The following ZNF419 variants were observed in gnomAD, a reference collection of about 807,000 sequenced individuals.
The protein encoded by ZNF419 is zinc finger protein 419.
ZNF419 carries 8 observed loss-of-function variants against 14.9 expected under a neutral mutation model. The observed-to-expected ratio is 0.54, with a 90% CI of 0.32 to 0.97. The LOEUF (loss-of-function observed/expected upper bound fraction) is 0.97. ZNF419 is among the 50% of genes least tolerant of loss of function. The pLI is 0.04. For missense variants in ZNF419, 595 were observed against 607.2 expected (o/e 0.98, Z 0.21); for synonymous variants, 211 against 205.3 (o/e 1.03, Z -0.24).
intron 2 of ZNF419, 80 bp downstream of exon 2, chr19:57,490,265 C>T: frequency 2.9e-6 from 4 of 1,388,156 alleles, no homozygotes; most frequent in Admixed American, 1.9e-5. Flanking sequence ...TCTTGAGGCT[C>T]CTTGCTGGCT....
Position 57,494,715 on chromosome 19 carries a change from C to A in ZNF419, c.*625C>A, listed in dbSNP as rs755980312. On this transcript the variant is annotated 3_prime_UTR_variant, in exon 5 of 5. Coordinates refer to ENST00000221735, the MANE Select transcript of ZNF419 (RefSeq NM_024691.4). ...TGAATTGTGTTTTTATAATTTTCAC[C>A]CTTTTGGCTGTGTAACAGGTCTGCA... is the stretch of plus-strand genomic sequence containing the variant. 1 of 176,978 alleles carries A rather than the reference C, an allele frequency of 5.7e-6. No individual in the cohort carries two copies. The allele number at this position is 176,978 out of a possible 1,614,324, so 11.0% of individuals were successfully genotyped here.
At chr19:57,488,064 T>C in intron 1 of ZNF419, 81 bp downstream of exon 1, 1 of 1,578,446 alleles carries the variant, frequency 6.3e-7, no homozygotes, top group Non-Finnish European at 8.6e-7. Context: ...GGTGCAGAAC[T>C]GTGGGGCGTT....
In ZNF419 at chr19:57,493,293, C is replaced by T; in HGVS notation, c.736C>T (p.Leu246Phe). 6.2e-7 allele frequency: 1 copy of T among 1,614,184 alleles called. No individual in the cohort carries two copies. Residue 246 changes from leucine (L) to phenylalanine (F), a missense_variant, in exon 5 of 5, where the codon CTT (leucine) becomes TTT (phenylalanine). Transcript: ENST00000221735. ...CGKLFRDMSNLFIHQIVHTGE... is the reference protein window; with the variant it reads ...CGKLFRDMSNFFIHQIVHTGE... ...GAAGTTATTTAGAGATATGTCCAAC[C>T]TTTTTATACACCAAATAGTTCACAC...
chr19:57,491,416 C>G, intron 2 of ZNF419, 55 bp from the exon 3 acceptor site: 1 of 1,605,236 alleles, frequency 6.2e-7, no homozygotes, highest in South Asian at 1.1e-5. Flanking sequence ...AGGCAGATGC[C>G]TAAATTTCCC....
In ZNF419 at chr19:57,490,356, T is replaced by C. The variant is rs114892330; in HGVS notation, c.72+171T>C. 3.9e-3 allele frequency: 1,875 copies of C among 477,824 alleles called. 30 individuals are homozygous for C. The highest frequency in any genetic ancestry group is 0.032 in the African/African-American group (1,571 of 49,760). 29.6% of individuals were successfully genotyped at this position (477,824 alleles called of 1,614,324 possible). A position where few individuals can be genotyped will look rare whatever the true frequency, so the allele number is the denominator to read the frequency against. On this transcript the variant is annotated intron_variant, in intron 2 of 4. Transcript: ENST00000221735. The stretch of plus-strand genomic sequence containing the variant: ...CCCTGAGTCCAGACTATATATTATT[T>C]TTATTATTTTCTTTTAAGACAGAGT...
Position 57,493,682 on chromosome 19 carries a change from C to A in ZNF419, c.1125C>A (p.Asp375Glu). The A allele has an allele frequency of 6.2e-7, 1 of 1,613,930 alleles. No individual in the cohort carries two copies. Among genetic ancestry groups the A allele is most frequent in the East Asian group, 2.2e-5 (1 of 44,860 alleles). ...GAGAAAGGCCTTACAAGTGCAGCGA[C>A]TGTGGGAAATTTTTTACCCAATGCT... is the stretch of plus-strand genomic sequence containing the variant. ...HTGERPYKCSDCGKFFTQCSS... is the reference protein window; with the variant it reads ...HTGERPYKCSECGKFFTQCSS... Residue 375 changes from aspartate to glutamate, a missense_variant, in exon 5 of 5, where the codon GAC becomes GAA. Coordinates refer to ENST00000221735, the MANE Select transcript of ZNF419 (RefSeq NM_024691.4).
At position 57,493,150 on chromosome 19, in the gene ZNF419, C is replaced by A. The variant is rs752680179; in HGVS notation, c.593C>A (p.Ala198Asp). ...RSSKSREAFH[A>D]GKRHYKCSEC... ...TCCAAAAGTAGGGAGGCCTTTCATGCTGGAAAAAGGCATTACAAATGCAGT... is the reference window on the plus strand; with the variant it reads ...TCCAAAAGTAGGGAGGCCTTTCATGATGGAAAAAGGCATTACAAATGCAGT... Residue 198 changes from alanine to aspartate, a missense_variant, in exon 5 of 5, where the codon GCT becomes GAT. By Grantham distance (126) the Ala-to-Asp change is moderately radical. Coordinates refer to ENST00000221735, the MANE Select transcript of ZNF419 (RefSeq NM_024691.4). 1 of 1,614,164 alleles carries A rather than the reference C, an allele frequency of 6.2e-7. No homozygotes were observed. Among genetic ancestry groups the A allele is most frequent in the East Asian group, 2.2e-5 (1 of 44,890 alleles).
chr19:57,490,490 G>T (rs1173533615), intron 2 of ZNF419: 7 of 199,466 alleles, frequency 3.5e-5, no homozygotes, highest in Non-Finnish European at 6.1e-5. Context: ...GAGTAGCTGG[G>T]ATTACAGGCA....
intron 1 of ZNF419, chr19:57,488,537 TG>T (rs1417886948): frequency 6.8e-6 from 1 of 146,936 alleles, no homozygotes; most frequent in East Asian, 2.0e-4. Context: ...AGAAAGGGAA[TG>T]AAGAGCCATT....
In ZNF419 at chr19:57,495,821, C is replaced by T. The variant is rs534294073; in HGVS notation, c.*1731C>T. The T allele has an allele frequency of 3.6e-5, 5 of 138,564 alleles. No individual in the cohort carries two copies. In the South Asian group the frequency reaches 1.2e-3, roughly 34 times the overall value. 8.6% of individuals were successfully genotyped at this position (138,564 alleles called of 1,614,324 possible). Reference sequence around the variant, plus strand: ...CTTATGAATCTTTTTAAATATCCAACTTCTGAAATATTTGTAGGTTTAACT... The same window carrying T: ...CTTATGAATCTTTTTAAATATCCAATTTCTGAAATATTTGTAGGTTTAACT... On this transcript the variant is annotated 3_prime_UTR_variant, in exon 5 of 5. Transcript: ENST00000221735.
Position 57,495,040 on chromosome 19 carries a change from G to A in ZNF419, c.*950G>A, listed in dbSNP as rs1470154118. On this transcript the variant is annotated 3_prime_UTR_variant, in exon 5 of 5. Coordinates refer to ENST00000221735, the MANE Select transcript of ZNF419 (RefSeq NM_024691.4). ...ACCCATATATCTTCTTTAGTCAAAT[G>A]TATTTTTTGCCTGTTTTTTAAAACA... 3.3e-5 allele frequency: 5 copies of A among 152,326 alleles called. No homozygotes were observed. Among genetic ancestry groups the A allele is most frequent in the South Asian group, 2.1e-4 (1 of 4,826 alleles). 9.4% of individuals were successfully genotyped at this position (152,326 alleles called of 1,614,324 possible).
At chr19:57,490,081 C>T (rs893236941) in intron 1 of ZNF419, 66 bp from the exon 2 acceptor site, 7 of 1,495,018 alleles carry the variant, frequency 4.7e-6, no homozygotes, top group Admixed American at 1.7e-5. Context: ...CCAGGCTAGA[C>T]GAGTGGGCTT....
At position 57,493,865 on chromosome 19, in the gene ZNF419, T is replaced by C; in HGVS notation, c.1308T>C (p.Phe436=). Residue 436 remains phenylalanine, a synonymous_variant, in exon 5 of 5, where the codon TTT becomes TTC. Transcript: ENST00000221735. ...AGTGCAGGGAATGTGGGAAATTTTT[T>C]AGCCAAAGCTCAACCCTCATGCAAC... ...PYECRECGKF[F]SQSSTLMQHR... 6.2e-7 allele frequency: 1 copy of C among 1,613,968 alleles called. No individual in the cohort carries two copies. The highest frequency in any genetic ancestry group is 8.5e-7 in the Non-Finnish European group (1 of 1,179,934).
rs770983431 is a variant in ZNF419, at chr19:57,493,410, A to G, written c.853A>G (p.Lys285Glu). The change falls in exon 5 of 5, where the codon AAG becomes GAG. Residue 285 changes from lysine to glutamate, a missense_variant. Physicochemically the swap from Lys to Glu is moderately conservative, Grantham distance 56. Transcript: ENST00000221735. ...IEHQRVHTGE[K>E]PFTCSECGKA... ...ACACCAGAGAGTTCACACTGGAGAA[A>G]AGCCTTTTACATGCAGTGAATGTGG... 4 of 1,614,234 alleles carry G rather than the reference A, an allele frequency of 2.5e-6. No individual in the cohort carries two copies. In the South Asian group the frequency reaches 3.3e-5, roughly 13 times the overall value.
intron 4 of ZNF419, chr19:57,492,545 G>T (rs556847705): frequency 4.0e-6 from 3 of 754,014 alleles, no homozygotes; most frequent in Admixed American, 1.7e-5. Flanking sequence ...CTTCTGTGCC[G>T]TGTTCCTGTG....
At chr19:57,490,003 C>T (rs1336516432) in intron 1 of ZNF419, 144 bp from the exon 2 acceptor site, 1 of 686,932 alleles carries the variant, frequency 1.5e-6, no homozygotes, top group African/African-American at 1.8e-5. Flanking sequence ...TTTCCAAGGG[C>T]ACACAACAGG....
Position 57,493,494 on chromosome 19 carries a change from A to C in ZNF419, c.937A>C (p.Arg313=), listed in dbSNP as rs1295833609. 1.9e-6 allele frequency: 3 copies of C among 1,614,070 alleles called. No homozygotes were observed. The Admixed American group carries it at 5.0e-5, about 27-fold the overall frequency. Residue 313 remains arginine, a synonymous_variant, in exon 5 of 5, where the codon AGG becomes CGG. Transcript: ENST00000221735. ...GCATCACAAAATCCACACTGGAGTA[A>C]GGCCTTATGAGTGCAGTGAATGTGG... ...VQHHKIHTGV[R]PYECSECGKL...
rs939907028 is a variant in ZNF419, at chr19:57,492,292, C to A, written c.298+81C>A. On this transcript the variant is annotated intron_variant, in intron 4 of 4. Coordinates refer to ENST00000221735, the MANE Select transcript of ZNF419 (RefSeq NM_024691.4). Reference sequence around the variant, plus strand: ...ACCAGTAGGCCCAGATATTTTGATACCAAGGCAAGGGGTTGTCGCTGATTT... The same window carrying A: ...ACCAGTAGGCCCAGATATTTTGATAACAAGGCAAGGGGTTGTCGCTGATTT... 2.1e-6 allele frequency: 3 copies of A among 1,461,000 alleles called. No homozygotes were observed. In the African/African-American group the frequency reaches 4.2e-5, roughly 20 times the overall value. 90.5% of individuals were successfully genotyped at this position (1,461,000 alleles called of 1,614,324 possible).
rs1270324686 is a variant in ZNF419 at position 57,494,507 on chromosome 19, A to AG, written c.*420dup. The AG allele has an allele frequency of 5.5e-6, 1 of 181,712 alleles. No individual in the cohort carries two copies. Among genetic ancestry groups the AG allele is most frequent in the Non-Finnish European group, 1.1e-5 (1 of 88,124 alleles). The allele number at this position is 181,712 out of a possible 1,614,324, so 11.3% of individuals were successfully genotyped here. A position where few individuals can be genotyped will look rare whatever the true frequency, so the allele number is the denominator to read the frequency against. ...CCCTCTGCCTTGGAGCTCCAGAGAG[A>AG]GGGAGCCCTGTATTCTTGGCTGTAC... On this transcript the variant is annotated 3_prime_UTR_variant, in exon 5 of 5. Transcript: ENST00000221735.
Sources: gnomAD v4.1 joint callset for allele counts on GRCh38, gnomAD v4.1.1 for gene constraint, MANE v1.5 for transcripts, NCBI Gene and HGNC (gene_info 2026-07-23, HGNC 2026-07-21) for gene names.